Variants in CADPS2 observed in about 807,000 individuals in gnomAD.
CADPS2 encodes calcium-dependent secretion activator 2.
Under a neutral mutation model 172.5 loss-of-function variants are expected in CADPS2, and 93 were observed. The observed-to-expected ratio is 0.54, with a 90% CI of 0.46 to 0.64. CADPS2 has a LOEUF of 0.64. Among genes scored for constraint, CADPS2 ranks in the 30% least tolerant of loss-of-function variants. The pLI is 0.00. For synonymous variants in CADPS2, 546 were observed against 555.2 expected, an observed-to-expected ratio of 0.98 and a Z score of 0.23; for missense variants, 1,420 against 1,565.9, an observed-to-expected ratio of 0.91 and a Z score of 1.57.
At chr7:122,433,267 C>T (rs538213130) in intron 17 of CADPS2, among the ~76,000 whole-genome samples, 1 of 152,210 alleles carries the variant, frequency 6.6e-6, no homozygotes, top group South Asian at 2.1e-4. Context: ...AGGCATGAGC[C>T]ACCATGCTCT....
At chr7:122,690,311 G>A (rs2084167003) in intron 2 of CADPS2, among the ~76,000 whole-genome samples, 1 of 152,114 alleles carries the variant, frequency 6.6e-6, no homozygotes, top group Non-Finnish European at 1.5e-5. Context: ...GGTTCCCTTG[G>A]GTCCTGCACC....
intron 1 of CADPS2, among the ~76,000 whole-genome samples, chr7:122,832,625 G>C (rs1188506485): frequency 6.6e-6 from 1 of 152,186 alleles, no homozygotes; most frequent in Non-Finnish European, 1.5e-5. Context: ...CAGTAATGTT[G>C]TCTGGCTTTA....
intron 12 of CADPS2, among the ~76,000 whole-genome samples, chr7:122,479,779 G>A (rs1375257759): frequency 1.4e-4 from 21 of 152,024 alleles, no homozygotes; most frequent in Non-Finnish European, 1.5e-5. Context: ...CCTATGAAGT[G>A]TGAAATTTAA....
intron 9 of CADPS2, among the ~76,000 whole-genome samples, chr7:122,508,137 ACACT>A (rs1239330216): frequency 3.3e-5 from 5 of 152,144 alleles, no homozygotes; most frequent in Admixed American, 6.6e-5. Context: ...ACACATGCAC[ACACT>A]CAGAGCGTTT....
intron 1 of CADPS2, among the ~76,000 whole-genome samples, chr7:122,819,438 C>A (rs966702267): frequency 2.0e-5 from 3 of 152,092 alleles, no homozygotes; most frequent in Non-Finnish European, 4.4e-5. Flanking sequence ...CCATCACGGA[C>A]GCCAAGCTTC....
intron 8 of CADPS2, among the ~76,000 whole-genome samples, chr7:122,516,791 T>A (rs903930436): frequency 7.9e-5 from 12 of 152,160 alleles, no homozygotes; most frequent in Non-Finnish European, 1.3e-4. Flanking sequence ...GTTAATCTTA[T>A]AGTTAATATC....
chr7:122,519,400 C>T (rs1216319637), intron 8 of CADPS2, among the ~76,000 whole-genome samples: 1 of 152,028 alleles, frequency 6.6e-6, no homozygotes, highest in African/African-American at 2.4e-5. Context: ...CAACAATTGC[C>T]TGCTTAACTT....
chr7:122,410,627 C>T (rs2047190327), intron 19 of CADPS2, among the ~76,000 whole-genome samples: 1 of 151,848 alleles, frequency 6.6e-6, no homozygotes, highest in South Asian at 2.1e-4. Context: ...CAATACTTGC[C>T]CTAACCTCTC....
intron 2 of CADPS2, among the ~76,000 whole-genome samples, chr7:122,722,176 T>C (rs2090495683): frequency 6.6e-6 from 1 of 152,092 alleles, no homozygotes; most frequent in Non-Finnish European, 1.5e-5. Flanking sequence ...AACATAGTGT[T>C]GGAAGTTCTG....
chr7:122,403,872 C>T (rs2046275680), intron 20 of CADPS2, among the ~76,000 whole-genome samples: 1 of 152,064 alleles, frequency 6.6e-6, no homozygotes, highest in African/African-American at 2.4e-5. Context: ...AGTTCTCCAA[C>T]AAAACTTCCA....
At chr7:122,853,476 G>A (rs1252496673) in intron 1 of CADPS2, among the ~76,000 whole-genome samples, 1 of 152,170 alleles carries the variant, frequency 6.6e-6, no homozygotes, top group Non-Finnish European at 1.5e-5. Context: ...TTAGCCCAAA[G>A]GGTGGTAATG....
intron 6 of CADPS2, among the ~76,000 whole-genome samples, chr7:122,591,745 C>A (rs548208881): frequency 6.6e-6 from 1 of 152,178 alleles, no homozygotes; most frequent in Non-Finnish European, 1.5e-5. Context: ...GAAAGGATTC[C>A]CTATTTAATA....
intron 20 of CADPS2, among the ~76,000 whole-genome samples, chr7:122,406,186 C>T (rs2046618248): frequency 6.6e-6 from 1 of 152,070 alleles, no homozygotes; most frequent in Non-Finnish European, 1.5e-5. Flanking sequence ...AGTTTTATCA[C>T]AGACTCAAAG....
intron 1 of CADPS2, among the ~76,000 whole-genome samples, chr7:122,844,615 A>G (rs1811466926): frequency 6.6e-6 from 1 of 152,262 alleles, no homozygotes; most frequent in Non-Finnish European, 1.5e-5. Context: ...ATATTGCTTA[A>G]CTAAATAGAA....
intron 2 of CADPS2, among the ~76,000 whole-genome samples, chr7:122,716,518 T>C (rs1405880804): frequency 6.6e-6 from 1 of 152,080 alleles, no homozygotes; most frequent in Non-Finnish European, 1.5e-5. Context: ...CATTTGGTTT[T>C]CTGTCCTTTG....
At chr7:122,341,896 A>T (rs1344281162) in intron 28 of CADPS2, among the ~76,000 whole-genome samples, 4 of 152,140 alleles carry the variant, frequency 2.6e-5, no homozygotes, top group Admixed American at 6.6e-5. Flanking sequence ...ACCTTAAACA[A>T]ACTTAGTTTT....
chr7:122,815,384 C>T (rs1014681453), intron 1 of CADPS2, among the ~76,000 whole-genome samples: 2 of 152,074 alleles, frequency 1.3e-5, no homozygotes, highest in Admixed American at 6.6e-5. Flanking sequence ...TGCTTTTATC[C>T]CACATCTGGA....
chr7:122,492,192 A>C (rs998998011), intron 9 of CADPS2, among the ~76,000 whole-genome samples: 2 of 151,886 alleles, frequency 1.3e-5, no homozygotes, highest in African/African-American at 4.8e-5. Flanking sequence ...AAATGAATAA[A>C]TAAATAAATT....
At chr7:122,759,880 T>C (rs966453326) in intron 1 of CADPS2, among the ~76,000 whole-genome samples, 1 of 152,102 alleles carries the variant, frequency 6.6e-6, no homozygotes, top group Non-Finnish European at 1.5e-5. Context: ...AATAGGATTA[T>C]TCCTAAGTGA....
Sources: gnomAD v4.1 joint callset for allele counts (sites outside exome capture counted in the v4.1 genomes callset) on GRCh38, gnomAD v4.1.1 for gene constraint, MANE v1.5 for transcripts, NCBI Gene and HGNC (gene_info 2026-07-23, HGNC 2026-07-21) for gene names.